The following KIF13B variants were observed in gnomAD, a reference collection of about 807,000 sequenced individuals.
KIF13B encodes kinesin family member 13B.
KIF13B carries 127 observed loss-of-function variants against 222.0 expected under a neutral mutation model. The ratio of observed to expected loss-of-function variants is 0.57; its 90% CI spans 0.50 to 0.66. The LOEUF (loss-of-function observed/expected upper bound fraction) is 0.66. Ranked by LOEUF, KIF13B falls within the 30% of genes least tolerant of loss-of-function variation. KIF13B has a pLI of 0.00. For missense variants in KIF13B, 2,173 were observed against 2,379.0 expected, an observed-to-expected ratio of 0.91 and a Z score of 1.80; for synonymous variants, 976 against 919.0, an observed-to-expected ratio of 1.06 and a Z score of -1.12.
chr8:29,202,373 A>C (rs1251121920), intron 2 of KIF13B, among the ~76,000 whole-genome samples: 2 of 152,202 alleles, frequency 1.3e-5, no homozygotes, highest in Non-Finnish European at 2.9e-5. Flanking sequence ...GCTAGAGTGC[A>C]GTGGCAAGAT....
intron 35 of KIF13B, among the ~76,000 whole-genome samples, chr8:29,102,174 A>C (rs957028771): frequency 1.3e-5 from 2 of 152,218 alleles, no homozygotes; most frequent in Non-Finnish European, 2.9e-5. Flanking sequence ...TGGACTAAAA[A>C]GGACTTCGCA....
chr8:29,239,024 T>TC (rs1441006517), intron 2 of KIF13B, among the ~76,000 whole-genome samples: 6 of 152,148 alleles, frequency 3.9e-5, no homozygotes, highest in African/African-American at 1.2e-4. Flanking sequence ...GGCAACAGAA[T>TC]GAGACCCTGT....
At chr8:29,124,960 G>T (rs1262763975) in intron 26 of KIF13B, among the ~76,000 whole-genome samples, 3 of 151,942 alleles carry the variant, frequency 2.0e-5, no homozygotes, top group Admixed American at 6.6e-5. Context: ...TGAGGCAAGA[G>T]AATTACTTAA....
chr8:29,166,601 G>C (rs1417920502), intron 11 of KIF13B, among the ~76,000 whole-genome samples: 1 of 151,934 alleles, frequency 6.6e-6, no homozygotes, highest in African/African-American at 2.4e-5. Flanking sequence ...CTACTCAGGA[G>C]GCTGAGGCAG....
chr8:29,094,787 G>T (rs572688031), intron 36 of KIF13B, among the ~76,000 whole-genome samples: 1 of 152,170 alleles, frequency 6.6e-6, no homozygotes, highest in African/African-American at 2.4e-5. Context: ...GGAGAATACA[G>T]TCTTGACAAG....
At chr8:29,209,302 C>CT in intron 2 of KIF13B, among the ~76,000 whole-genome samples, 1 of 152,162 alleles carries the variant, frequency 6.6e-6, no homozygotes, top group Non-Finnish European at 1.5e-5. Flanking sequence ...GGCGAGAAGG[C>CT]TCCCTACATC....
At chr8:29,208,652 G>A (rs1563790105) in intron 2 of KIF13B, among the ~76,000 whole-genome samples, 1 of 152,168 alleles carries the variant, frequency 6.6e-6, no homozygotes, top group Admixed American at 6.5e-5. Context: ...AATAGACAAC[G>A]GGCAGACCAC....
chr8:29,101,888 A>C (rs1808804035), intron 35 of KIF13B, among the ~76,000 whole-genome samples: 1 of 152,126 alleles, frequency 6.6e-6, no homozygotes, highest in African/African-American at 2.4e-5. Flanking sequence ...ATCTCTGCGG[A>C]AACACTCCAC....
intron 28 of KIF13B, 65 bp from the exon 29 acceptor site, chr8:29,122,711 C>G: frequency 1.5e-6 from 2 of 1,316,994 alleles, no homozygotes; most frequent in Non-Finnish European, 2.2e-6. Flanking sequence ...CACGTAGGAA[C>G]ACAGCCTTAA....
At chr8:29,240,936 G>A (rs1459767450) in intron 2 of KIF13B, among the ~76,000 whole-genome samples, 1 of 152,146 alleles carries the variant, frequency 6.6e-6, no homozygotes, top group South Asian at 2.1e-4. Flanking sequence ...GTTATCATAT[G>A]ACCCAGAAGC....
At chr8:29,104,322 G>C (rs899793199) in intron 35 of KIF13B, among the ~76,000 whole-genome samples, 1 of 151,956 alleles carries the variant, frequency 6.6e-6, no homozygotes, top group African/African-American at 2.4e-5. Context: ...TCCAAAACCC[G>C]ATGTCACCCA....
In KIF13B at chr8:29,206,847, C is replaced by T. The variant is rs182455397; in HGVS notation, c.150-10648G>A. Among the ~76,000 whole-genome samples the T allele has an allele frequency of 1.2e-3, 175 of 151,474 alleles. 1 individual carries two copies. The highest frequency in any genetic ancestry group is 1.7e-3 in the Non-Finnish European group (117 of 67,992). Reference sequence around the variant, plus strand: ...AAGCAGGGAAGGTGGATGGGGTTTGCGGAAGTGGAAGTGGGGTGGAAATTT... The same window carrying T: ...AAGCAGGGAAGGTGGATGGGGTTTGTGGAAGTGGAAGTGGGGTGGAAATTT... On this transcript the variant is annotated intron_variant, in intron 2 of 39. Coordinates refer to ENST00000524189, the MANE Select transcript of KIF13B (RefSeq NM_015254.4).
rs1223678476 is a variant in KIF13B at position 29,116,949 on chromosome 8, C to A, written c.3719G>T (p.Gly1240Val). 5 of 1,611,812 alleles carry A rather than the reference C, an allele frequency of 3.1e-6. No homozygotes were observed. The highest frequency in any genetic ancestry group is 4.2e-6 in the Non-Finnish European group (5 of 1,178,470). Residue 1240 changes from glycine to valine, a missense_variant, in exon 31 of 40, where the codon GGC (glycine) becomes GTC (valine). Gly to Val is a moderately radical substitution (Grantham distance 109, BLOSUM62 -3). Coordinates refer to ENST00000524189, the MANE Select transcript of KIF13B (RefSeq NM_015254.4). ...AVHGCPQLSR[G>V]TPVDERLFLI... ...GAACAACCGCTCGTCCACGGGCGTG[C>A]CCCTGCTGAGCTGAGGGCAGCCATG...
chr8:29,140,124 C>T lies in KIF13B; in HGVS notation c.2552G>A (p.Gly851Asp), dbSNP rs1012214797. ...SGDVGERIAG[G>D]DEVAEVSFEK... Reference sequence around the variant, plus strand: ...AAAGGAGACCTCTGCCACCTCATCGCCTCCTGCGATCCTCTCCCCAACATC... The same window carrying T: ...AAAGGAGACCTCTGCCACCTCATCGTCTCCTGCGATCCTCTCCCCAACATC... The change falls in exon 21 of 40, where the codon GGC (glycine) becomes GAC (aspartate). Residue 851 changes from glycine (G) to aspartate (D), a missense_variant. Physicochemically the swap from Gly to Asp is moderately conservative, Grantham distance 94 (BLOSUM62 -1). This residue lies in a region of KIF13B where 1,480 missense variants were observed against 1,722.8 expected (regional missense o/e 0.86). Transcript: ENST00000524189. The T allele has an allele frequency of 5.0e-6, 8 of 1,613,250 alleles. No homozygotes were observed. The highest frequency in any genetic ancestry group is 1.3e-5 in the African/African-American group (1 of 75,060).
intron 26 of KIF13B, 39 bp from the exon 27 acceptor site, chr8:29,124,162 C>A (rs751573908): frequency 8.3e-7 from 1 of 1,209,326 alleles, no homozygotes; most frequent in South Asian, 1.3e-5. Flanking sequence ...AATGTAATGT[C>A]AAGATAATCT....
intron 36 of KIF13B, 60 bp downstream of exon 36, chr8:29,099,073 A>C: frequency 7.5e-7 from 1 of 1,327,344 alleles, no homozygotes; most frequent in Non-Finnish European, 1.1e-6. Context: ...ATTCTAATTT[A>C]AACTTTCTGA....
chr8:29,190,757 T>C (rs139171761), intron 4 of KIF13B: 236 of 495,280 alleles, frequency 4.8e-4, no homozygotes, highest in African/African-American at 4.0e-3. Context: ...TGTCCCCAGG[T>C]AGAGAGCATC....
At position 29,146,664 on chromosome 8, in the gene KIF13B, T is replaced by C; in HGVS notation, c.2025-124A>G. Reference sequence around the variant, plus strand: ...GAATTGAGCTTTTTCCGTGGTCGTCTGCACGCAGGGACTGTGTTGCTGACA... The same window carrying C: ...GAATTGAGCTTTTTCCGTGGTCGTCCGCACGCAGGGACTGTGTTGCTGACA... On this transcript the variant is annotated intron_variant, in intron 17 of 39. Coordinates refer to ENST00000524189, the MANE Select transcript of KIF13B (RefSeq NM_015254.4). 3 of 825,100 alleles carry C rather than the reference T, an allele frequency of 3.6e-6. No homozygotes were observed. The South Asian group carries it at 5.2e-5, about 14-fold the overall frequency. 51.1% of individuals were successfully genotyped at this position (825,100 alleles called of 1,614,324 possible).
rs58034349 is a variant in KIF13B, at chr8:29,183,168, G to GTTTTTT, written c.498-1168_498-1163dup. Among the ~76,000 whole-genome samples, 30 of 117,634 alleles carry GTTTTTT rather than the reference G, an allele frequency of 2.6e-4. 1 individual carries two copies. The highest frequency in any genetic ancestry group is 3.3e-4 in the Non-Finnish European group (19 of 57,888). 77.2% of individuals were successfully genotyped at this position (117,634 alleles called of 152,430 possible). ...TAATAAATTATAATCCTTAAAGTTTGTTTTTTTTTTTTTTTTTTTCCAATG... is the reference window on the plus strand; with the variant it reads ...TAATAAATTATAATCCTTAAAGTTTGTTTTTTTTTTTTTTTTTTTTTTTTTCCAATG... On this transcript the variant is annotated intron_variant, in intron 6 of 39. Transcript: ENST00000524189.
Sources: allele counts gnomAD v4.1 joint callset (sites outside exome capture counted in the v4.1 genomes callset), GRCh38; gene constraint gnomAD v4.1.1; regional missense constraint gnomAD v4.1.1; transcripts MANE v1.5; gene names NCBI Gene and HGNC (gene_info 2026-07-23, HGNC 2026-07-21).